The following SCNN1B variants were observed in gnomAD, a reference collection of about 807,000 sequenced individuals.
SCNN1B encodes the protein epithelial sodium channel subunit beta.
A neutral mutation model predicts 65.3 loss-of-function variants in SCNN1B; 46 were observed. The ratio of observed to expected loss-of-function variants is 0.70; its 90% confidence interval spans 0.56 to 0.90. The LOEUF is 0.90. SCNN1B is among the 40% of genes least tolerant of loss of function. The pLI, the probability that SCNN1B is intolerant of heterozygous loss-of-function variation, is 0.00. For missense variants in SCNN1B, 751 were observed against 830.5 expected (o/e 0.90, Z 1.18); for synonymous variants, 349 against 330.6 (o/e 1.06, Z -0.60).
At chr16:23,305,585 A>AT (rs1398803250) in intron 1 of SCNN1B, among the ~76,000 whole-genome samples, 2 of 105,688 alleles carry the variant, frequency 1.9e-5, no homozygotes, top group African/African-American at 6.4e-5. Context: ...TATTATATAT[A>AT]TATATATATA....
chr16:23,314,267 A>G (rs561716776), intron 1 of SCNN1B, among the ~76,000 whole-genome samples: 1 of 152,158 alleles, frequency 6.6e-6, no homozygotes, highest in South Asian at 2.1e-4. Flanking sequence ...GGCTCACTCA[A>G]TCTTCTCACC....
intron 2 of SCNN1B, among the ~76,000 whole-genome samples, chr16:23,284,981 A>T (rs1353375152): frequency 6.6e-6 from 1 of 152,252 alleles, no homozygotes; most frequent in African/African-American, 2.4e-5. Context: ...AGAAGGACAC[A>T]GAGGTAGCCT....
chr16:23,348,788 C>T lies in SCNN1B; in HGVS notation c.189C>T (p.Val63=). ...TCACCCTGCTCTTCGCCGCCCTCGT[C>T]TGCTGGCAGTGGGGCATCTTCATCA... is the stretch of plus-strand genomic sequence containing the variant. ...FLLTLLFAAL[V]CWQWGIFIRT... The change falls in exon 2 of 13, where the codon GTC becomes GTT. Residue 63 remains valine (V), a synonymous_variant. Coordinates refer to ENST00000343070, the MANE Select transcript of SCNN1B (RefSeq NM_000336.3). The surrounding 1 kb of genome is among the most constrained non-coding windows in gnomAD (Gnocchi z 4.5). 1 of 1,614,204 alleles carries T rather than the reference C, an allele frequency of 6.2e-7. No individual in the cohort carries two copies. The highest frequency in any genetic ancestry group is 1.1e-5 in the South Asian group (1 of 91,076).
chr16:23,323,896 C>T (rs947218004), intron 1 of SCNN1B, among the ~76,000 whole-genome samples: 2 of 152,176 alleles, frequency 1.3e-5, no homozygotes, highest in Admixed American at 6.6e-5. Context: ...CTTTCTAAGG[C>T]AATTAAGTAT....
intron 1 of SCNN1B, among the ~76,000 whole-genome samples, chr16:23,320,972 G>T (rs1485266916): frequency 6.6e-6 from 1 of 152,210 alleles, no homozygotes; most frequent in Non-Finnish European, 1.5e-5. Context: ...TGAGAGTGGT[G>T]GTGGCCGGAT....
At chr16:23,345,017 G>A (rs1290696990) in intron 1 of SCNN1B, among the ~76,000 whole-genome samples, 1 of 152,038 alleles carries the variant, frequency 6.6e-6, no homozygotes, top group Non-Finnish European at 1.5e-5. Flanking sequence ...GAAAGAGAGA[G>A]AGAGAGAGAG....
intron 5 of SCNN1B, 138 bp from the exon 6 acceptor site, chr16:23,371,161 T>C: frequency 1.1e-6 from 1 of 894,508 alleles, no homozygotes. Context: ...GAGGACTGAG[T>C]TTTTGCAAAG....
chr16:23,292,379 A>G (rs1294352856), intron 2 of SCNN1B, among the ~76,000 whole-genome samples: 2 of 151,566 alleles, frequency 1.3e-5, no homozygotes, highest in African/African-American at 2.4e-5. Flanking sequence ...TTGTATTTTT[A>G]GTAGAGACGG....
At chr16:23,345,000 G>A (rs1014863196) in intron 1 of SCNN1B, among the ~76,000 whole-genome samples, 10 of 148,364 alleles carry the variant, frequency 6.7e-5, no homozygotes, top group African/African-American at 2.6e-4. Flanking sequence ...TCGAGAGAGA[G>A]GAGAGAGAAA....
In SCNN1B at chr16:23,292,102, CT is replaced by C. The variant is rs376522253; in HGVS notation, n.178+8299del. Among the ~76,000 whole-genome samples the C allele has an allele frequency of 6.1e-3, 933 of 152,182 alleles. 6 individuals carry two copies. Among genetic ancestry groups the C allele is most frequent in the African/African-American group, 0.021 (891 of 41,562 alleles). On this transcript the variant is annotated intron_variant and non_coding_transcript_variant, in intron 2 of 3. Transcript: ENST00000569789. ...ACCTCCACGGCTTTCACCCTGCCCC[CT>C]GCTCTGCCCTTGGCACCCTTAGTTC...
At chr16:23,324,979 T>C (rs1397422640) in intron 1 of SCNN1B, among the ~76,000 whole-genome samples, 1 of 152,244 alleles carries the variant, frequency 6.6e-6, no homozygotes, top group Admixed American at 6.5e-5. Flanking sequence ...TCCTGTGTAA[T>C]TGTACTCATA....
chr16:23,337,629 C>T (rs1961971358), intron 1 of SCNN1B, among the ~76,000 whole-genome samples: 1 of 152,120 alleles, frequency 6.6e-6, no homozygotes, highest in African/African-American at 2.4e-5. Context: ...CCACTCACCT[C>T]GGCCTCCCAA....
chr16:23,311,724 A>G (rs1468665718), intron 1 of SCNN1B, among the ~76,000 whole-genome samples: 1 of 137,310 alleles, frequency 7.3e-6, no homozygotes, highest in Non-Finnish European at 1.6e-5. Context: ...GTGGACTTCA[A>G]GGCAGCTTTC....
chr16:23,351,234 T>C (rs1212838819), intron 2 of SCNN1B, among the ~76,000 whole-genome samples: 1 of 152,220 alleles, frequency 6.6e-6, no homozygotes, highest in Non-Finnish European at 1.5e-5. Context: ...GCACTCCTTC[T>C]GGGCACTGAT....
At chr16:23,320,392 A>G (rs540863407) in intron 1 of SCNN1B, among the ~76,000 whole-genome samples, 131 of 152,272 alleles carry the variant, frequency 8.6e-4, no homozygotes, top group African/African-American at 3.0e-3. Flanking sequence ...TCAGCTCTGC[A>G]TTGACTCTCC....
At chr16:23,301,679 A>G, upstream of SCNN1B, among the ~76,000 whole-genome samples, 1 of 152,186 alleles carries the variant, frequency 6.6e-6, no homozygotes, top group Non-Finnish European at 1.5e-5. Flanking sequence ...GCTAGAGCAC[A>G]GGTGTAGTGG....
At chr16:23,326,369 A>G (rs1961696605) in intron 1 of SCNN1B, among the ~76,000 whole-genome samples, 2 of 152,186 alleles carry the variant, frequency 1.3e-5, no homozygotes, top group African/African-American at 2.4e-5. Flanking sequence ...CTACCCAGAG[A>G]TAATCATTAT....
At chr16:23,379,444 G>T (rs80275748) in intron 11 of SCNN1B, among the ~76,000 whole-genome samples, 3 of 152,250 alleles carry the variant, frequency 2.0e-5, no homozygotes, top group East Asian at 3.9e-4. Context: ...GGAGGTCTGC[G>T]TAGGGAGGTG....
chr16:23,380,516 C>T lies in SCNN1B; in HGVS notation c.1638C>T (p.Asp546=), dbSNP rs964404505. ...CLIEFGEIII[D]FVWITIIKLV... ...TCGAGTTTGGGGAGATCATCATCGA[C>T]TTTGTGTGGATCACCATCATCAAGC... The change falls in exon 13 of 13, where the codon GAC becomes GAT. Residue 546 remains aspartate, a synonymous_variant. Transcript: ENST00000343070. This position sits in a 1 kb window ranked among gnomAD's most constrained non-coding sequence, Gnocchi z 5.4. 3.1e-6 allele frequency: 5 copies of T among 1,614,138 alleles called. No homozygotes were observed. The African/African-American group carries it at 6.7e-5, about 22-fold the overall frequency.
Sources: allele counts gnomAD v4.1 joint callset (sites outside exome capture counted in the v4.1 genomes callset), GRCh38; gene constraint gnomAD v4.1.1; non-coding constraint Gnocchi (gnomAD v3.1); transcripts MANE v1.5; gene names NCBI Gene and HGNC (gene_info 2026-07-23, HGNC 2026-07-21).